The following SAXO2 variants were observed in gnomAD, a reference collection of about 807,000 sequenced individuals.
SAXO2 encodes stabilizer of axonemal microtubules 2, also known as family with sequence similarity 154, member B.
In SAXO2, 17 loss-of-function variants were observed where a neutral mutation model predicts 18.7. That is an observed-to-expected ratio of 0.91 (90% confidence interval 0.62 to 1.36). The LOEUF (loss-of-function observed/expected upper bound fraction) is 1.36, where lower values mean the gene tolerates loss of function less well. Among genes scored for constraint, SAXO2 ranks in the 40% most tolerant of loss-of-function variants. The pLI is 0.00. For synonymous variants in SAXO2, 163 were observed against 181.2 expected (o/e 0.90, Z 0.81); for missense variants, 486 against 562.6 (o/e 0.86, Z 1.38).
chr15:82,269,439 G>C (rs1166005602), intron 2 of SAXO2, among the ~76,000 whole-genome samples: 1 of 152,222 alleles, frequency 6.6e-6, no homozygotes, highest in Non-Finnish European at 1.5e-5. Flanking sequence ...AAGAAAGCCA[G>C]GTGGAGCAGA....
intron 3 of SAXO2, among the ~76,000 whole-genome samples, chr15:82,279,805 A>AC (rs2075347612): frequency 6.6e-6 from 1 of 152,190 alleles, no homozygotes; most frequent in Non-Finnish European, 1.5e-5. Context: ...TCAAAGAAGA[A>AC]CCTAGAACAG....
At chr15:82,271,575 G>A (rs2075271254) in intron 2 of SAXO2, 28 bp from the exon 3 acceptor site, 3 of 1,541,428 alleles carry the variant, frequency 1.9e-6, no homozygotes, top group African/African-American at 1.4e-5. Context: ...GAACTTGTGA[G>A]GCTATGTTTC....
At chr15:82,263,977 C>T (rs573573590) in intron 1 of SAXO2, among the ~76,000 whole-genome samples, 2 of 151,258 alleles carry the variant, frequency 1.3e-5, no homozygotes, top group Non-Finnish European at 2.9e-5. Flanking sequence ...AAAATCTAAG[C>T]AAAAATATCT....
rs1168224865 is a variant in SAXO2, at chr15:82,262,933, G to A, written c.53+1G>A. 2 of 1,604,254 alleles carry A rather than the reference G, an allele frequency of 1.2e-6. No homozygotes were observed. The highest frequency in any genetic ancestry group is 1.7e-6 in the Non-Finnish European group (2 of 1,175,314). On this transcript the variant is annotated splice_donor_variant, in intron 1 of 3. Coordinates refer to ENST00000682753, the MANE Select transcript of SAXO2 (RefSeq NM_001348699.2). LOFTEE classifies it high-confidence loss of function. ...GTCTGTGTCAGATTTGTAGCTGCGG[G>A]TAAGAAACGGCTGGTGTAGCGGCGG...
Position 82,284,809 on chromosome 15 carries a change from GTTATT to G in SAXO2, c.*1751_*1755del, listed in dbSNP as rs995617985. 1.3e-5 allele frequency: 2 copies of G among 152,054 alleles called. No individual in the cohort carries two copies. The highest frequency in any genetic ancestry group is 4.8e-5 in the African/African-American group (2 of 41,390). 9.4% of individuals were successfully genotyped at this position (152,054 alleles called of 1,614,324 possible). A position where few individuals can be genotyped will look rare whatever the true frequency, so the allele number is the denominator to read the frequency against. ...ATACTTTATTGAAAATCAATATTTGGTTATTTTAATTGTTCAAAAGTAATTTGTTC... is the reference window on the plus strand; with the variant it reads ...ATACTTTATTGAAAATCAATATTTGGTTAATTGTTCAAAAGTAATTTGTTC... On this transcript the variant is annotated 3_prime_UTR_variant, in exon 4 of 4. Transcript: ENST00000682753.
chr15:82,271,950 A>G (rs1305893629), intron 3 of SAXO2, 148 bp downstream of exon 3: 4 of 652,410 alleles, frequency 6.1e-6, no homozygotes, highest in Admixed American at 3.3e-5. Context: ...GCAAAATAGT[A>G]TTGTATAGTA....
In SAXO2 at chr15:82,280,726, C is replaced by T. The variant is rs374735702; in HGVS notation, c.434-1393C>T. 2.4e-3 allele frequency among the ~76,000 whole-genome samples: 360 copies of T among 152,302 alleles called. 13 individuals carry two copies. The South Asian group carries it at 0.071, about 30-fold the overall frequency. On this transcript the variant is annotated intron_variant, in intron 3 of 3. Coordinates refer to ENST00000682753, the MANE Select transcript of SAXO2 (RefSeq NM_001348699.2). ...CTTTACAGGTCTATTTTGAATGTAA[C>T]TTCAGCTTTCCATAGCTCTTAGCTT...
rs11631813 is a variant in SAXO2 at position 82,262,901 on chromosome 15, A to G, written c.22A>G (p.Ser8Gly). Residue 8 changes from serine (S) to glycine (G), a missense_variant, in exon 1 of 4, where the codon AGC becomes GGC. Ser to Gly is a moderately conservative substitution (Grantham distance 56). Coordinates refer to ENST00000682753, the MANE Select transcript of SAXO2 (RefSeq NM_001348699.2). MGAKSMR[S>G]WCLCQICSCG... is the part of the protein sequence containing the mutation. ...AAGCATGGGAGCCAAGAGTATGAGG[A>G]GCTGGTGTCTGTGTCAGATTTGTAG... 0.18 allele frequency: 292,339 copies of G among 1,602,626 alleles called. 29,581 individuals carry two copies. The highest frequency in any genetic ancestry group is 0.38 in the South Asian group (34,043 of 89,126).
Position 82,282,172 on chromosome 15 carries a change from A to T in SAXO2, c.487A>T (p.Thr163Ser), listed in dbSNP as rs2075366934. The change falls in exon 4 of 4, where the codon ACT becomes TCT. Residue 163 changes from threonine to serine, a missense_variant. Coordinates refer to ENST00000682753, the MANE Select transcript of SAXO2 (RefSeq NM_001348699.2). Reference sequence around the variant, plus strand: ...AAGTGAACTTTATAAGCCAGAACAAACTTACCACCCGCCTACTGTGAAATT... The same window carrying T: ...AAGTGAACTTTATAAGCCAGAACAATCTTACCACCCGCCTACTGTGAAATT... ...HKSELYKPEQ[T>S]YHPPTVKFGN... The T allele has an allele frequency of 1.2e-6, 2 of 1,613,954 alleles. No individual in the cohort carries two copies. Among genetic ancestry groups the T allele is most frequent in the Admixed American group, 1.7e-5 (1 of 60,010 alleles).
intron 2 of SAXO2, 90 bp from the exon 3 acceptor site, chr15:82,271,512 GA>G (rs149950722): frequency 6.4e-6 from 7 of 1,100,340 alleles, no homozygotes; most frequent in Admixed American, 3.2e-5. Flanking sequence ...CAGTAAAAAA[GA>G]AAAAAAAGCC....
intron 3 of SAXO2, among the ~76,000 whole-genome samples, chr15:82,280,854 G>A (rs1389486215): frequency 6.6e-6 from 1 of 152,124 alleles, no homozygotes; most frequent in East Asian, 1.9e-4. Flanking sequence ...CATCTTTTCT[G>A]TCAGTTTGTC....
rs569795502 is a variant in SAXO2, at chr15:82,276,113, G to C, written c.433+4311G>C. On this transcript the variant is annotated intron_variant, in intron 3 of 3. Coordinates refer to ENST00000682753, the MANE Select transcript of SAXO2 (RefSeq NM_001348699.2). ...ATTTCTATACACCAATAATCTTCAA[G>C]CTGAGAATCAAATCAAGAACATAAT... Among the ~76,000 whole-genome samples, 275 of 152,182 alleles carry C rather than the reference G, an allele frequency of 1.8e-3. 1 individual carries two copies. The highest frequency in any genetic ancestry group is 6.4e-3 in the African/African-American group (264 of 41,524).
At chr15:82,263,498 C>T in intron 1 of SAXO2, 1 of 699,908 alleles carries the variant, frequency 1.4e-6, no homozygotes, top group Non-Finnish European at 2.6e-6. Context: ...AACAACCTTC[C>T]ATCACCTGTA....
intron 3 of SAXO2, among the ~76,000 whole-genome samples, chr15:82,275,075 A>G (rs2075302876): frequency 6.6e-6 from 1 of 151,778 alleles, no homozygotes; most frequent in Non-Finnish European, 1.5e-5. Flanking sequence ...AAAATCACAA[A>G]AGTGACATCA....
rs183128223 is a variant in SAXO2, at chr15:82,271,569, T to C, written c.234-34T>C. ...TTGAAATAATTAGGAATAAAAGAACTTGTGAGGCTATGTTTCAAATTTATA... is the reference window on the plus strand; with the variant it reads ...TTGAAATAATTAGGAATAAAAGAACCTGTGAGGCTATGTTTCAAATTTATA... On this transcript the variant is annotated intron_variant, in intron 2 of 3. Transcript: ENST00000682753. 147 of 1,521,026 alleles carry C rather than the reference T, an allele frequency of 9.7e-5. No individual in the cohort carries two copies. In the African/African-American group the frequency reaches 1.9e-3, roughly 20 times the overall value. 94.2% of individuals were successfully genotyped at this position (1,521,026 alleles called of 1,614,324 possible).
Position 82,282,591 on chromosome 15 carries a change from A to G in SAXO2, c.906A>G (p.Thr302=). ...AAGTACCAGAGTATGTGCCTCCTAC[A>G]GGTAGCATGCTGTTAAACAGCACAA... ...VKKVPEYVPP[T]GSMLLNSTSH... The change falls in exon 4 of 4, where the codon ACA becomes ACG. Residue 302 remains threonine, a synonymous_variant. Coordinates refer to ENST00000682753, the MANE Select transcript of SAXO2 (RefSeq NM_001348699.2). 4 of 1,614,196 alleles carry G rather than the reference A, an allele frequency of 2.5e-6. No homozygotes were observed. Among genetic ancestry groups the G allele is most frequent in the Non-Finnish European group, 3.4e-6 (4 of 1,180,024 alleles).
In SAXO2 at chr15:82,268,102, G is replaced by T. The variant is rs11853647; in HGVS notation, c.233+2354G>T. Among the ~76,000 whole-genome samples, 68 of 152,330 alleles carry T rather than the reference G, an allele frequency of 4.5e-4. 1 individual carries two copies. Among genetic ancestry groups the T allele is most frequent in the African/African-American group, 1.5e-3 (63 of 41,576 alleles). On this transcript the variant is annotated intron_variant, in intron 2 of 3. Coordinates refer to ENST00000682753, the MANE Select transcript of SAXO2 (RefSeq NM_001348699.2). ...TATGGATTATGATAAATGAGATGAA[G>T]AAATTGAATAACTGGTTGAGATTGA... is the stretch of plus-strand genomic sequence containing the variant.
chr15:82,262,953 C>G (rs1415751594), intron 1 of SAXO2, 21 bp downstream of exon 1: 1 of 1,588,562 alleles, frequency 6.3e-7, no homozygotes, highest in South Asian at 1.1e-5. Context: ...GCTGGTGTAG[C>G]GGCGGGCCCG....
chr15:82,272,418 C>CT lies in SAXO2; in HGVS notation c.433+617dup, dbSNP rs568362827. Among the ~76,000 whole-genome samples the CT allele has an allele frequency of 3.0e-3, 452 of 152,326 alleles. 5 individuals carry two copies. Among genetic ancestry groups the CT allele is most frequent in the African/African-American group, 0.01 (428 of 41,578 alleles). ...ACTACCACATAGGGGTCCTGCTCCT[C>CT]TAAGAATTCTGGGATGGTGGAAGGG... On this transcript the variant is annotated intron_variant, in intron 3 of 3. Coordinates refer to ENST00000682753, the MANE Select transcript of SAXO2 (RefSeq NM_001348699.2).
Sources: gnomAD v4.1 joint callset for allele counts (sites outside exome capture counted in the v4.1 genomes callset) on GRCh38, gnomAD v4.1.1 for gene constraint, MANE v1.5 for transcripts, NCBI Gene and HGNC (gene_info 2026-07-23, HGNC 2026-07-21) for gene names.